SIK3: variants seen among roughly 807,000 people sequenced by gnomAD.
SIK3 encodes the protein serine/threonine-protein kinase SIK3.
In SIK3, 28 loss-of-function variants were observed where a neutral mutation model predicts 144.2. The ratio of observed to expected loss-of-function variants is 0.19; its 90% confidence interval spans 0.14 to 0.27. The LOEUF is 0.27. Among genes scored for constraint, SIK3 ranks in the 10% least tolerant of loss-of-function variants. SIK3 has a pLI of 1.00. For synonymous variants in SIK3, 686 were observed against 676.3 expected, an observed-to-expected ratio of 1.01 and a Z score of -0.22; for missense variants, 1,319 against 1,776.0, an observed-to-expected ratio of 0.74 and a Z score of 4.62.
chr11:116,967,118 G>A (rs1455690958), intron 1 of SIK3, among the ~76,000 whole-genome samples: 1 of 151,968 alleles, frequency 6.6e-6, no homozygotes, highest in East Asian at 1.9e-4. Context: ...GTTGTCAGAA[G>A]ACAAAAAGCT....
At chr11:117,021,351 C>G (rs1951754110) in intron 1 of SIK3, among the ~76,000 whole-genome samples, 1 of 152,102 alleles carries the variant, frequency 6.6e-6, no homozygotes, top group African/African-American at 2.4e-5. Context: ...AAAGGTCAGC[C>G]ACTTAGTACA....
intron 4 of SIK3, among the ~76,000 whole-genome samples, chr11:116,916,441 G>T (rs554729032): frequency 1.2e-3 from 179 of 152,050 alleles, no homozygotes; most frequent in Admixed American, 3.1e-3. Flanking sequence ...CCTTGCAAAG[G>T]CTTGCCTAAA....
At chr11:116,995,507 C>A (rs1950635640) in intron 1 of SIK3, among the ~76,000 whole-genome samples, 1 of 151,992 alleles carries the variant, frequency 6.6e-6, no homozygotes, top group Non-Finnish European at 1.5e-5. Context: ...AAGGCATCCA[C>A]CCACCTCAAC....
rs191768026 is a variant in SIK3, at chr11:116,924,974, T to C, written c.616+2245A>G. Among the ~76,000 whole-genome samples the C allele has an allele frequency of 9.5e-4, 144 of 152,234 alleles. 1 individual carries two copies. The highest frequency in any genetic ancestry group is 3.3e-3 in the African/African-American group (138 of 41,514). ...TACCATACATGGTAAAAAGGACTTG[T>C]ATTAACATGATTAAAGATCTTAAAA... On this transcript the variant is annotated intron_variant, in intron 4 of 24. Coordinates refer to ENST00000445177, the MANE Select transcript of SIK3 (RefSeq NM_001366686.3).
intron 1 of SIK3, among the ~76,000 whole-genome samples, chr11:117,062,330 C>T (rs1269736311): frequency 6.6e-6 from 1 of 152,194 alleles, no homozygotes; most frequent in Non-Finnish European, 1.5e-5. Flanking sequence ...AATATATTCT[C>T]ACGTTATCCA....
intron 1 of SIK3, among the ~76,000 whole-genome samples, chr11:116,964,550 A>G (rs1949455710): frequency 6.6e-6 from 1 of 152,166 alleles, no homozygotes; most frequent in Non-Finnish European, 1.5e-5. Context: ...GCAGCTTTCA[A>G]TAAACTCCAC....
intron 3 of SIK3, among the ~76,000 whole-genome samples, chr11:116,950,479 A>C (rs1398352495): frequency 6.6e-6 from 1 of 152,236 alleles, no homozygotes; most frequent in Non-Finnish European, 1.5e-5. Flanking sequence ...TTTCCCAAAC[A>C]GCCCAGTCTA....
chr11:117,026,252 A>G (rs552689280), intron 1 of SIK3, among the ~76,000 whole-genome samples: 18 of 152,300 alleles, frequency 1.2e-4, no homozygotes, highest in Admixed American at 1.0e-3. Context: ...ATAGGTTTGT[A>G]GCCTAGGAGC....
At chr11:116,916,796 CAAAAAAA>C (rs34262569) in intron 4 of SIK3, among the ~76,000 whole-genome samples, 1 of 129,862 alleles carries the variant, frequency 7.7e-6, no homozygotes, top group Non-Finnish European at 1.7e-5. Flanking sequence ...AGGTGTGAGC[CAAAAAAA>C]AAAAAAAATT....
chr11:116,878,578 C>G (rs909059917), intron 6 of SIK3, among the ~76,000 whole-genome samples: 1 of 152,136 alleles, frequency 6.6e-6, no homozygotes, highest in Admixed American at 6.5e-5. Context: ...CGAGGTTTCA[C>G]CATGTTGGCC....
intron 1 of SIK3, among the ~76,000 whole-genome samples, chr11:117,021,960 A>AAAAAAAAAAAAAAAAC (rs1951794877): frequency 7.2e-6 from 1 of 139,804 alleles, no homozygotes; most frequent in African/African-American, 2.6e-5. Context: ...AAAAAAAAAA[A>AAAAAAAAAAAAAAAAC]ACCTAAAAAT....
chr11:116,987,337 A>AAC (rs386375008), intron 1 of SIK3, among the ~76,000 whole-genome samples: 10 of 149,100 alleles, frequency 6.7e-5, no homozygotes, highest in East Asian at 5.8e-4. Flanking sequence ...AAAAAAAAAA[A>AAC]ACACAGAGAG....
At chr11:117,035,892 C>G in intron 1 of SIK3, 1 of 1,596,568 alleles carries the variant, frequency 6.3e-7, no homozygotes, top group Non-Finnish European at 8.5e-7. Flanking sequence ...ACACACAAAA[C>G]TACCGTTTGT....
intron 11 of SIK3, among the ~76,000 whole-genome samples, chr11:116,874,274 T>C (rs537175710): frequency 6.6e-5 from 10 of 152,346 alleles, no homozygotes; most frequent in Admixed American, 5.9e-4. Context: ...TGCTATTCTT[T>C]ATTGGCCATT....
chr11:116,910,996 G>A (rs1350490738), intron 4 of SIK3, among the ~76,000 whole-genome samples: 1 of 152,214 alleles, frequency 6.6e-6, no homozygotes, highest in Non-Finnish European at 1.5e-5. Flanking sequence ...GGTGCCTGGT[G>A]AAGCGGCGCA....
rs145425810 is a variant in SIK3, at chr11:116,942,197, T to G, written c.454+11847A>C. Reference sequence around the variant, plus strand: ...AAATTCCATGCTTGACTTAGTTATATTTCATTATGACACAATGAAATACAT... The same window carrying G: ...AAATTCCATGCTTGACTTAGTTATAGTTCATTATGACACAATGAAATACAT... On this transcript the variant is annotated intron_variant, in intron 3 of 24. Coordinates refer to ENST00000445177, the MANE Select transcript of SIK3 (RefSeq NM_001366686.3). 3.7e-4 allele frequency among the ~76,000 whole-genome samples: 56 copies of G among 152,346 alleles called. 1 individual carries two copies. The East Asian group carries it at 0.011, about 29-fold the overall frequency.
chr11:117,016,289 G>A (rs1171056910), intron 1 of SIK3, among the ~76,000 whole-genome samples: 2 of 146,144 alleles, frequency 1.4e-5, no homozygotes, highest in Middle Eastern at 3.7e-3. Context: ...TCACGCCACT[G>A]CACTCTAGCC....
intron 1 of SIK3, chr11:117,035,877 A>G (rs1237302096): frequency 2.5e-6 from 4 of 1,596,426 alleles, no homozygotes; most frequent in African/African-American, 1.3e-5. Flanking sequence ...ACAGTGGAGC[A>G]GCCAACACAC....
chr11:116,894,181 C>T (rs1945275305), intron 6 of SIK3, among the ~76,000 whole-genome samples: 1 of 152,162 alleles, frequency 6.6e-6, no homozygotes, highest in Non-Finnish European at 1.5e-5. Context: ...TCACCAGCAA[C>T]TCTTATGATA....
Sources: allele counts gnomAD v4.1 joint callset (sites outside exome capture counted in the v4.1 genomes callset), GRCh38; gene constraint gnomAD v4.1.1; transcripts MANE v1.5; gene names NCBI Gene and HGNC (gene_info 2026-07-23, HGNC 2026-07-21).